The following SLCO1B1 variants were observed in gnomAD, a reference collection of about 807,000 sequenced individuals.
The protein encoded by SLCO1B1 is OATP-2.
SLCO1B1 carries 81 observed loss-of-function variants against 70.1 expected under a neutral mutation model. The ratio of observed to expected loss-of-function variants is 1.16; its 90% CI spans 0.97 to 1.39. The LOEUF is 1.39. SLCO1B1 is among the 40% of genes most tolerant of loss of function. The pLI, the probability that SLCO1B1 is intolerant of heterozygous loss-of-function variation, is 0.00. For missense variants in SLCO1B1, 895 were observed against 799.6 expected, an observed-to-expected ratio of 1.12 and a Z score of -1.44; for synonymous variants, 283 against 271.5, an observed-to-expected ratio of 1.04 and a Z score of -0.42.
chr12:21,178,957 A>G lies in SLCO1B1; in HGVS notation c.664A>G (p.Ile222Val), dbSNP rs79135870. ...LNAIAMIGPI[I>V]GFTLGSLFSK... is the part of the protein sequence containing the mutation. ...TGCAATAGCAATGATTGGTCCAATC[A>G]TTGGCTTTACCCTGGGATCTCTGTT... is the stretch of plus-strand genomic sequence containing the variant. The change falls in exon 7 of 15, where the codon ATT (isoleucine) becomes GTT (valine). Residue 222 changes from isoleucine (I) to valine (V), a missense_variant. By Grantham distance (29) the Ile-to-Val change is conservative (BLOSUM62 3). Transcript: ENST00000256958. 974 of 1,612,420 alleles carry G rather than the reference A, an allele frequency of 6.0e-4. 7 individuals are homozygous for G. The African/African-American group carries it at 0.012, about 20-fold the overall frequency.
chr12:21,212,322 C>T (rs1395456265), intron 11 of SLCO1B1, among the ~76,000 whole-genome samples: 5 of 88,880 alleles, frequency 5.6e-5, no homozygotes, highest in Admixed American at 4.8e-4. Context: ...TCGTTATGTA[C>T]CCAGTAGTCA....
chr12:21,199,838 A>G (rs183639046), intron 8 of SLCO1B1, among the ~76,000 whole-genome samples: 3 of 151,788 alleles, frequency 2.0e-5, no homozygotes, highest in African/African-American at 7.2e-5. Context: ...TTGTTGCTCT[A>G]TTGCCTAGGC....
At position 21,131,231 on chromosome 12, in the gene SLCO1B1, A is replaced by T. The variant is rs1181171964; in HGVS notation, c.-67A>T. ...TGTTGCAGTTGCTGTAGGATTCTAA[A>T]TCCAGGTAAGAACCATTGAGATTCT... On this transcript the variant is annotated 5_prime_UTR_variant, in exon 1 of 15. Coordinates refer to ENST00000256958, the MANE Select transcript of SLCO1B1 (RefSeq NM_006446.5). 1.3e-5 allele frequency: 2 copies of T among 152,084 alleles called. No homozygotes were observed. The highest frequency in any genetic ancestry group is 4.8e-5 in the African/African-American group (2 of 41,426). 9.4% of individuals were successfully genotyped at this position (152,084 alleles called of 1,614,324 possible).
At chr12:21,218,344 A>T (rs946027455) in intron 12 of SLCO1B1, among the ~76,000 whole-genome samples, 1 of 152,180 alleles carries the variant, frequency 6.6e-6, no homozygotes, top group African/African-American at 2.4e-5. Flanking sequence ...TTGCTTTTAG[A>T]TCTTAAAAAT....
At chr12:21,199,406 A>G (rs1006888326) in intron 8 of SLCO1B1, among the ~76,000 whole-genome samples, 116 of 152,316 alleles carry the variant, frequency 7.6e-4, no homozygotes, top group African/African-American at 2.5e-3. Flanking sequence ...AACAGAAGTT[A>G]GAAGTTTGTT....
At chr12:21,188,521 C>T (rs961021076) in intron 7 of SLCO1B1, among the ~76,000 whole-genome samples, 9 of 152,082 alleles carry the variant, frequency 5.9e-5, no homozygotes, top group African/African-American at 9.7e-5. Context: ...TCTGTGTTCC[C>T]GCCAAAGTCA....
chr12:21,133,150 C>T (rs1453198867), intron 1 of SLCO1B1, among the ~76,000 whole-genome samples: 18 of 151,944 alleles, frequency 1.2e-4, no homozygotes, highest in East Asian at 1.9e-4. Flanking sequence ...TGTAGATATG[C>T]GGCACTATTT....
Position 21,234,946 on chromosome 12 carries a change from C to T in SLCO1B1, c.1866-4033C>T, listed in dbSNP as rs568050733. 2.8e-4 allele frequency among the ~76,000 whole-genome samples: 43 copies of T among 152,064 alleles called. No homozygotes were observed. The South Asian group carries it at 8.5e-3, about 30-fold the overall frequency. ...TGATTTTTTAAAAAATTTATTGTGA[C>T]TTATGACTTAGAATGTGGTTAGTTT... On this transcript the variant is annotated intron_variant, in intron 14 of 14. Transcript: ENST00000256958.
intron 7 of SLCO1B1, among the ~76,000 whole-genome samples, chr12:21,194,417 A>C (rs12371570): frequency 0.12 from 18,739 of 151,664 alleles, 1,593 homozygotes; most frequent in Non-Finnish European, 0.18. Flanking sequence ...TATTATTATT[A>C]TTATTAATTT....
In SLCO1B1 at chr12:21,138,144, A is replaced by G. The variant is rs910809725; in HGVS notation, c.-61-3370A>G. Among the ~76,000 whole-genome samples, 4 of 152,186 alleles carry G rather than the reference A, an allele frequency of 2.6e-5. No homozygotes were observed. In the South Asian group the frequency reaches 6.2e-4, roughly 24 times the overall value. On this transcript the variant is annotated intron_variant, in intron 1 of 14. Transcript: ENST00000256958. The stretch of plus-strand genomic sequence containing the variant: ...TATAAAAGGTCTAAGAAGTTAGCAA[A>G]TGCTGTTTTTCCTTTTTGCTCCTCA...
Position 21,141,617 on chromosome 12 carries a change from C to A in SLCO1B1, c.43C>A (p.Pro15Thr). 1.2e-6 allele frequency: 2 copies of A among 1,608,686 alleles called. No homozygotes were observed. The highest frequency in any genetic ancestry group is 1.7e-6 in the Non-Finnish European group (2 of 1,176,190). ...QHLNKTAEAQ[P>T]SENKKTRYCN... ...TTTGAATAAAACAGCAGAGGCACAACCTTCAGAGAATAAGAAAACAAGATA... is the reference window on the plus strand; with the variant it reads ...TTTGAATAAAACAGCAGAGGCACAAACTTCAGAGAATAAGAAAACAAGATA... Residue 15 changes from proline (P) to threonine (T), a missense_variant, in exon 2 of 15, where the codon CCT becomes ACT. By Grantham distance (38) the Pro-to-Thr change is conservative. Coordinates refer to ENST00000256958, the MANE Select transcript of SLCO1B1 (RefSeq NM_006446.5).
intron 1 of SLCO1B1, among the ~76,000 whole-genome samples, chr12:21,134,473 T>G (rs1940188707): frequency 6.6e-6 from 1 of 152,174 alleles, no homozygotes; most frequent in African/African-American, 2.4e-5. Flanking sequence ...TGGACTTTTT[T>G]TTGTTGGTAA....
chr12:21,188,556 G>A (rs544286170), intron 7 of SLCO1B1, among the ~76,000 whole-genome samples: 1 of 152,112 alleles, frequency 6.6e-6, no homozygotes, highest in Non-Finnish European at 1.5e-5. Context: ...CCCCAATGAC[G>A]GAGGTGGGGC....
In SLCO1B1 at chr12:21,194,408, A is replaced by T. The variant is rs530014511; in HGVS notation, c.728-2538A>T. ...TCTGTTTTTATTATTTTAATTATTT[A>T]TTATTATTATTATTAATTTTGTTTT... On this transcript the variant is annotated intron_variant, in intron 7 of 14. Coordinates refer to ENST00000256958, the MANE Select transcript of SLCO1B1 (RefSeq NM_006446.5). 9.9e-5 allele frequency among the ~76,000 whole-genome samples: 15 copies of T among 151,518 alleles called. No individual in the cohort carries two copies. The East Asian group carries it at 2.1e-3, about 22-fold the overall frequency.
chr12:21,137,652 A>G (rs1284255302), intron 1 of SLCO1B1, among the ~76,000 whole-genome samples: 4 of 152,136 alleles, frequency 2.6e-5, no homozygotes, highest in Non-Finnish European at 5.9e-5. Flanking sequence ...GCAGGATATA[A>G]TCTCCTGGTG....
chr12:21,200,053 G>A (rs777356553), intron 8 of SLCO1B1, among the ~76,000 whole-genome samples: 1 of 151,936 alleles, frequency 6.6e-6, no homozygotes, highest in Admixed American at 6.6e-5. Context: ...CATCTGCCTC[G>A]GCCTCCCAAA....
chr12:21,197,171 T>C lies in SLCO1B1; in HGVS notation c.953T>C (p.Ile318Thr), dbSNP rs1183426800. ...TANLTNQGKN[I>T]TKNVTGFFQS... The stretch of plus-strand genomic sequence containing the variant: ...AATTTGACCAATCAAGGAAAAAATA[T>C]TACCAAAAATGTGACTGGTAAGTAT... Residue 318 changes from isoleucine to threonine, a missense_variant, in exon 8 of 15, where the codon ATT (isoleucine) becomes ACT (threonine). By Grantham distance (89) the Ile-to-Thr change is moderately conservative. Transcript: ENST00000256958. 6.2e-7 allele frequency: 1 copy of C among 1,613,044 alleles called. No homozygotes were observed. Among genetic ancestry groups the C allele is most frequent in the Non-Finnish European group, 8.5e-7 (1 of 1,179,468 alleles).
chr12:21,229,794 A>G (rs1445117341), intron 14 of SLCO1B1, among the ~76,000 whole-genome samples: 1 of 152,200 alleles, frequency 6.6e-6, no homozygotes, highest in Admixed American at 6.5e-5. Flanking sequence ...TACTTAGACA[A>G]TTATGTCATA....
At chr12:21,141,756 A>G in intron 2 of SLCO1B1, 98 bp downstream of exon 2, 1 of 689,696 alleles carries the variant, frequency 1.4e-6, no homozygotes, top group Non-Finnish European at 2.5e-6. Context: ...GTTTCAAATT[A>G]TAATTTTCAA....
Sources: allele counts gnomAD v4.1 joint callset (sites outside exome capture counted in the v4.1 genomes callset), GRCh38; gene constraint gnomAD v4.1.1; transcripts MANE v1.5; gene names NCBI Gene and HGNC (gene_info 2026-07-23, HGNC 2026-07-21).